The following HORMAD2 variants were observed in gnomAD, a reference collection of about 807,000 sequenced individuals.
HORMAD2 encodes the protein HORMA domain-containing protein 2.
A neutral mutation model predicts 38.8 loss-of-function variants in HORMAD2; 45 were observed. That is an observed-to-expected ratio of 1.16 (90% confidence interval 0.91 to 1.49). The LOEUF is 1.49. Among genes scored for constraint, HORMAD2 ranks in the 40% most tolerant of loss-of-function variants. HORMAD2 has a pLI of 0.00. For missense variants in HORMAD2, 338 were observed against 367.0 expected, an observed-to-expected ratio of 0.92 and a Z score of 0.65; for synonymous variants, 126 against 122.8, an observed-to-expected ratio of 1.03 and a Z score of -0.17.
At chr22:30,180,371 G>A (rs1293107097), downstream of HORMAD2, among the ~76,000 whole-genome samples, 1 of 152,120 alleles carries the variant, frequency 6.6e-6, no homozygotes, top group Non-Finnish European at 1.5e-5. Context: ...GATTTTAAGG[G>A]GTTGTTGTTT....
the HORMAD2 span, among the ~76,000 whole-genome samples, chr22:30,184,308 T>C: frequency 1.3e-5 from 2 of 152,184 alleles, no homozygotes; most frequent in Non-Finnish European, 2.9e-5. Flanking sequence ...AAGGAAACCA[T>C]TGAACTAAAT....
chr22:30,177,497 G>C (rs1926522352), downstream of HORMAD2, among the ~76,000 whole-genome samples: 1 of 152,080 alleles, frequency 6.6e-6, no homozygotes, highest in South Asian at 2.1e-4. Flanking sequence ...CATATTAAGT[G>C]GACTCATGAA....
At chr22:30,175,343 A>AT (rs995408232) in intron 10 of HORMAD2, among the ~76,000 whole-genome samples, 22 of 68,814 alleles carry the variant, frequency 3.2e-4, no homozygotes, top group African/African-American at 8.1e-4. Context: ...ATCTTATTCC[A>AT]TTTTCCTTCC....
At chr22:30,134,723 T>A (rs747878796) in intron 10 of HORMAD2, among the ~76,000 whole-genome samples, 2 of 151,866 alleles carry the variant, frequency 1.3e-5, no homozygotes, top group Non-Finnish European at 2.9e-5. Flanking sequence ...TCTACTATAT[T>A]CTAATCAACA....
chr22:30,101,134 A>G (rs1920940648), intron 3 of HORMAD2, among the ~76,000 whole-genome samples: 1 of 152,336 alleles, frequency 6.6e-6, no homozygotes, highest in Admixed American at 6.5e-5. Flanking sequence ...ACATGCACAC[A>G]TATGTTTATT....
chr22:30,104,525 G>A, intron 5 of HORMAD2, 88 bp downstream of exon 5: 3 of 1,140,346 alleles, frequency 2.6e-6, no homozygotes, highest in Non-Finnish European at 2.6e-6. Flanking sequence ...TTGTTTTTGT[G>A]TTTAACAGTA....
rs2123750268 is a variant in HORMAD2, at chr22:30,175,985, G to T, written c.820-78G>T. ...ATGCAGCTTGAGGGATTAATGCTTG[G>T]TCTACCTGTCTTATATATGTCTTGT... On this transcript the variant is annotated intron_variant, in intron 10 of 10. Transcript: ENST00000336726. The T allele has an allele frequency of 8.6e-6, 8 of 927,672 alleles. No individual in the cohort carries two copies. In the South Asian group the frequency reaches 1.1e-4, roughly 13 times the overall value. The allele number at this position is 927,672 out of a possible 1,614,324, so 57.5% of individuals were successfully genotyped here.
Position 30,111,028 on chromosome 22 carries a change from T to C in HORMAD2, c.295-768T>C, listed in dbSNP as rs570733245. ...AAAATTAGCTGGGCGTGGTGGTGCA[T>C]GCGTGTAATCCCAGCTACTCAGGAG... On this transcript the variant is annotated intron_variant, in intron 5 of 10. Transcript: ENST00000336726. Among the ~76,000 whole-genome samples the C allele has an allele frequency of 2.7e-4, 41 of 151,374 alleles. No individual in the cohort carries two copies. In the South Asian group the frequency reaches 7.1e-3, roughly 26 times the overall value.
At chr22:30,168,809 TG>T (rs1427122340) in intron 10 of HORMAD2, among the ~76,000 whole-genome samples, 2 of 152,114 alleles carry the variant, frequency 1.3e-5, no homozygotes, top group Admixed American at 6.6e-5. Flanking sequence ...GTAGCCTCAT[TG>T]CTTCTCGTCT....
chr22:30,181,000 A>ACCTAC (rs1227922173), downstream of HORMAD2, among the ~76,000 whole-genome samples: 12 of 98,652 alleles, frequency 1.2e-4, no homozygotes, highest in African/African-American at 2.5e-4. Flanking sequence ...TCCTCCCCTA[A>ACCTAC]CCTACCCTAC....
At chr22:30,129,369 G>A (rs1923122974) in intron 10 of HORMAD2, among the ~76,000 whole-genome samples, 1 of 150,728 alleles carries the variant, frequency 6.6e-6, no homozygotes, top group Admixed American at 6.6e-5. Context: ...CCTACATAAT[G>A]TAATAAAAAG....
chr22:30,201,045 C>T, the HORMAD2 span, among the ~76,000 whole-genome samples: 6 of 152,128 alleles, frequency 3.9e-5, no homozygotes, highest in East Asian at 1.9e-4. Flanking sequence ...CCACCACGCC[C>T]GGCCAGAAAT....
chr22:30,173,278 A>G (rs1194293409), intron 10 of HORMAD2, among the ~76,000 whole-genome samples: 1 of 152,230 alleles, frequency 6.6e-6, no homozygotes, highest in Non-Finnish European at 1.5e-5. Context: ...GATGTGTCAG[A>G]TCTGCATATG....
chr22:30,118,840 T>A (rs1922233003), intron 7 of HORMAD2, 140 bp from the exon 8 acceptor site: 1 of 596,730 alleles, frequency 1.7e-6, no homozygotes, highest in Non-Finnish European at 3.0e-6. Flanking sequence ...TACTCTTGAA[T>A]AATGTGATAC....
intron 10 of HORMAD2, among the ~76,000 whole-genome samples, chr22:30,163,691 A>G (rs6006383): frequency 0.92 from 140,210 of 152,170 alleles, 64,676 homozygotes; most frequent in East Asian, 1. Context: ...GCCTCCCAAA[A>G]TTCTGGGATT....
At position 30,111,815 on chromosome 22, in the gene HORMAD2, C is replaced by T; in HGVS notation, c.314C>T (p.Thr105Ile). The T allele has an allele frequency of 6.4e-7, 1 of 1,570,578 alleles. No individual in the cohort carries two copies. The highest frequency in any genetic ancestry group is 1.4e-5 in the African/African-American group (1 of 73,644). The change falls in exon 6 of 11, where the codon ACA (threonine) becomes ATA (isoleucine). Residue 105 changes from threonine to isoleucine, a missense_variant and splice_region_variant. By Grantham distance (89) the Thr-to-Ile change is moderately conservative. Transcript: ENST00000336726. ...TTGAAGCTACGTATGGCAGTACTGACAGTAAGTACACACTCATTTAAAGAC... is the reference window on the plus strand; with the variant it reads ...TTGAAGCTACGTATGGCAGTACTGATAGTAAGTACACACTCATTTAAAGAC... The part of the protein sequence containing the change: ...EKRYLRMAVL[T>I]LYTDPMGSEK...
chr22:30,159,594 C>T (rs1247527100), intron 10 of HORMAD2, among the ~76,000 whole-genome samples: 2 of 152,154 alleles, frequency 1.3e-5, no homozygotes, highest in Non-Finnish European at 2.9e-5. Flanking sequence ...AATGTTTGCC[C>T]TATCAGGGTT....
intron 1 of HORMAD2, among the ~76,000 whole-genome samples, chr22:30,088,032 T>C (rs906195522): frequency 6.6e-6 from 1 of 151,718 alleles, no homozygotes; most frequent in Non-Finnish European, 1.5e-5. Context: ...CAGATCTGTA[T>C]ATGTGTATAC....
At chr22:30,177,715 C>CTTTTT (rs59806772), downstream of HORMAD2, among the ~76,000 whole-genome samples, 4 of 94,872 alleles carry the variant, frequency 4.2e-5, no homozygotes, top group Admixed American at 2.5e-4. Flanking sequence ...TAAGGAGGAG[C>CTTTTT]TTTTTTTTTT....
Sources: gnomAD v4.1 joint callset for allele counts (sites outside exome capture counted in the v4.1 genomes callset) on GRCh38, gnomAD v4.1.1 for gene constraint, MANE v1.5 for transcripts, NCBI Gene and HGNC (gene_info 2026-07-23, HGNC 2026-07-21) for gene names.